The following SAMD12 variants were observed in gnomAD, a reference collection of about 807,000 sequenced individuals.
SAMD12 encodes sterile alpha motif domain containing 12.
Under a neutral mutation model 15.0 loss-of-function variants are expected in SAMD12, and 9 were observed. That is an observed-to-expected ratio of 0.60 (90% CI 0.36 to 1.05). The LOEUF is 1.05. Ranked by LOEUF, SAMD12 falls within the 50% of genes least tolerant of loss-of-function variation. The pLI, the probability that SAMD12 is intolerant of heterozygous loss-of-function variation, is 0.01. For synonymous variants in SAMD12, 86 were observed against 90.1 expected (o/e 0.96, Z 0.25); for missense variants, 230 against 234.2 (o/e 0.98, Z 0.12).
intron 2 of SAMD12, among the ~76,000 whole-genome samples, chr8:118,546,290 T>C (rs1326278598): frequency 6.6e-6 from 1 of 152,156 alleles, no homozygotes; most frequent in Non-Finnish European, 1.5e-5. Context: ...GAGGTGGAAT[T>C]GGGAGGGGTT....
chr8:118,545,588 G>A (rs558183271), intron 2 of SAMD12, among the ~76,000 whole-genome samples: 1 of 152,270 alleles, frequency 6.6e-6, no homozygotes, highest in Non-Finnish European at 1.5e-5. Flanking sequence ...AAACACCATA[G>A]TCTTCGCCCA....
At chr8:118,437,123 A>T (rs1450020183) in intron 3 of SAMD12, among the ~76,000 whole-genome samples, 1 of 152,160 alleles carries the variant, frequency 6.6e-6, no homozygotes, top group Non-Finnish European at 1.5e-5. Context: ...AGCCTCCAAG[A>T]GTATTGGGAT....
the SAMD12 span, among the ~76,000 whole-genome samples, chr8:118,137,044 G>C: frequency 6.6e-6 from 1 of 152,222 alleles, no homozygotes; most frequent in Non-Finnish European, 1.5e-5. Context: ...AACAAAAGCA[G>C]AGAGTCATTG....
Position 118,247,199 on chromosome 8 carries a change from A to G in SAMD12, c.434-49467T>C, listed in dbSNP as rs1260169480. 4.6e-5 allele frequency among the ~76,000 whole-genome samples: 7 copies of G among 152,250 alleles called. No homozygotes were observed. The East Asian group carries it at 1.4e-3, about 30-fold the overall frequency. Reference sequence around the variant, plus strand: ...ATGATCTCACTTATATGTGAAATCTAAAAAAGTTGAACTCATAGAAGCAGA... The same window carrying G: ...ATGATCTCACTTATATGTGAAATCTGAAAAAGTTGAACTCATAGAAGCAGA... On this transcript the variant is annotated intron_variant, in intron 4 of 4. Coordinates refer to the SAMD12 transcript ENST00000409003.
intron 2 of SAMD12, among the ~76,000 whole-genome samples, chr8:118,517,413 A>T (rs1825274124): frequency 1.3e-5 from 2 of 152,198 alleles, no homozygotes; most frequent in African/African-American, 4.8e-5. Context: ...TCTCCCATAC[A>T]GCTGGAGATT....
chr8:118,148,914 T>G, the SAMD12 span, among the ~76,000 whole-genome samples: 3 of 152,242 alleles, frequency 2.0e-5, no homozygotes, highest in Admixed American at 1.3e-4. Context: ...ATACGGCATT[T>G]TGCTTATCCA....
chr8:118,151,854 A>G, the SAMD12 span, among the ~76,000 whole-genome samples: 1 of 140,532 alleles, frequency 7.1e-6, no homozygotes, highest in African/African-American at 2.6e-5. Context: ...AAAAAAAAAG[A>G]TTTTGAAGTA....
chr8:118,162,265 C>T, the SAMD12 span, among the ~76,000 whole-genome samples: 4 of 145,936 alleles, frequency 2.7e-5, no homozygotes, highest in Non-Finnish European at 4.5e-5. Flanking sequence ...TTTGCTATCT[C>T]GTGTGCCTTA....
chr8:118,555,040 C>G (rs979214081), intron 2 of SAMD12, among the ~76,000 whole-genome samples: 4 of 152,058 alleles, frequency 2.6e-5, no homozygotes, highest in African/African-American at 7.2e-5. Context: ...ATTTACACCT[C>G]AAGATGACCA....
In SAMD12 at chr8:118,366,868, AAATAAAATAAAAT is replaced by A. The variant is rs1444419291; in HGVS notation, c.433+12679_433+12691del. The stretch of plus-strand genomic sequence containing the variant: ...AAATAAAATAAAATAAAATAAAATA[AAATAAAATAAAAT>A]AATAAAATAAAATAAAATAAAATAA... On this transcript the variant is annotated intron_variant, in intron 4 of 4. Transcript: ENST00000409003. 2.0e-3 allele frequency among the ~76,000 whole-genome samples: 255 copies of A among 124,852 alleles called. 12 individuals are homozygous for A. Among genetic ancestry groups the A allele is most frequent in the Non-Finnish European group, 3.3e-3 (198 of 60,874 alleles). 81.9% of individuals were successfully genotyped at this position (124,852 alleles called of 152,430 possible).
At chr8:118,449,999 A>C (rs549080729) in intron 2 of SAMD12, among the ~76,000 whole-genome samples, 2 of 152,266 alleles carry the variant, frequency 1.3e-5, no homozygotes, top group Admixed American at 1.3e-4. Flanking sequence ...TGAAACTCAG[A>C]ATAAGCAGTC....
chr8:118,178,780 T>G, the SAMD12 span, among the ~76,000 whole-genome samples: 2 of 152,180 alleles, frequency 1.3e-5, no homozygotes, highest in Non-Finnish European at 2.9e-5. Context: ...ATTTCTTATA[T>G]TGAATTGGTC....
At chr8:118,139,002 C>T in the SAMD12 span, among the ~76,000 whole-genome samples, 1 of 152,168 alleles carries the variant, frequency 6.6e-6, no homozygotes, top group African/African-American at 2.4e-5. Context: ...TTGTATCGAA[C>T]TTAACAGCCA....
At chr8:118,135,462 G>A in the SAMD12 span, among the ~76,000 whole-genome samples, 6 of 152,176 alleles carry the variant, frequency 3.9e-5, no homozygotes, top group African/African-American at 1.4e-4. Flanking sequence ...TTACAGGCAT[G>A]AGCCACCATG....
intron 4 of SAMD12, among the ~76,000 whole-genome samples, chr8:118,365,604 T>C (rs1267136328): frequency 6.6e-6 from 1 of 152,024 alleles, no homozygotes; most frequent in Admixed American, 6.6e-5. Flanking sequence ...ATTGACTAAA[T>C]TATACCACCA....
At chr8:118,575,212 C>T (rs1266717560) in intron 2 of SAMD12, among the ~76,000 whole-genome samples, 1 of 152,146 alleles carries the variant, frequency 6.6e-6, no homozygotes, top group Non-Finnish European at 1.5e-5. Context: ...CAAACTAAAT[C>T]TAATATTAGC....
At chr8:118,317,280 G>A (rs1480058263) in intron 4 of SAMD12, among the ~76,000 whole-genome samples, 1 of 152,162 alleles carries the variant, frequency 6.6e-6, no homozygotes, top group Admixed American at 6.5e-5. Flanking sequence ...CTGTCCTGTG[G>A]CCCAGCAAAC....
intron 2 of SAMD12, among the ~76,000 whole-genome samples, chr8:118,446,445 G>T (rs532149519): frequency 6.6e-6 from 1 of 152,172 alleles, no homozygotes; most frequent in East Asian, 1.9e-4. Flanking sequence ...ATATATCAAG[G>T]CTTGTGTGTG....
chr8:118,486,186 G>A (rs950719053), intron 2 of SAMD12, among the ~76,000 whole-genome samples: 9 of 152,174 alleles, frequency 5.9e-5, no homozygotes, highest in South Asian at 2.1e-4. Context: ...AGGCCAAGGC[G>A]GGCAGATCAC....
Sources: allele counts gnomAD v4.1 joint callset (sites outside exome capture counted in the v4.1 genomes callset), GRCh38; gene constraint gnomAD v4.1.1; transcripts MANE v1.5; gene names NCBI Gene and HGNC (gene_info 2026-07-23, HGNC 2026-07-21).